The following LRMDA variants were observed in gnomAD, a reference collection of about 807,000 sequenced individuals.
LRMDA encodes the protein leucine rich melanocyte differentiation associated.
LRMDA carries 18 observed loss-of-function variants against 29.8 expected under a neutral mutation model. The ratio of observed to expected loss-of-function variants is 0.60; its 90% confidence interval spans 0.42 to 0.90. The LOEUF is 0.90. Among genes scored for constraint, LRMDA ranks in the 40% least tolerant of loss-of-function variants. The pLI is 0.00. For missense variants in LRMDA, 273 were observed against 273.9 expected, an observed-to-expected ratio of 1.00 and a Z score of 0.02; for synonymous variants, 125 against 109.4, an observed-to-expected ratio of 1.14 and a Z score of -0.89.
chr10:76,256,950 G>A (rs969760952), intron 5 of LRMDA, among the ~76,000 whole-genome samples: 2 of 152,090 alleles, frequency 1.3e-5, no homozygotes, highest in East Asian at 1.9e-4. Context: ...CTAGGCAGTC[G>A]TAGAAAAATG....
intron 2 of LRMDA, among the ~76,000 whole-genome samples, chr10:75,977,464 C>T (rs527312099): frequency 2.2e-3 from 332 of 152,234 alleles, no homozygotes; most frequent in Non-Finnish European, 4.2e-3. Context: ...GGAGCTGAGT[C>T]GAATTCCTGA....
chr10:76,049,765 G>C (rs1452019211), intron 4 of LRMDA, among the ~76,000 whole-genome samples: 3 of 151,174 alleles, frequency 2.0e-5, no homozygotes, highest in Admixed American at 2.0e-4. Flanking sequence ...TTTTTCTTTT[G>C]GTAAAACATT....
At chr10:76,176,860 T>A (rs1276975221) in intron 5 of LRMDA, among the ~76,000 whole-genome samples, 1 of 152,196 alleles carries the variant, frequency 6.6e-6, no homozygotes, top group African/African-American at 2.4e-5. Flanking sequence ...TAATGTGTAA[T>A]TGTATCAAGG....
At chr10:75,929,013 AT>A (rs1846165566) in intron 2 of LRMDA, among the ~76,000 whole-genome samples, 1 of 152,208 alleles carries the variant, frequency 6.6e-6, no homozygotes, top group Non-Finnish European at 1.5e-5. Context: ...AGATTTGATT[AT>A]TTCTAAGGAA....
At chr10:76,220,858 T>G (rs1851819743) in intron 5 of LRMDA, among the ~76,000 whole-genome samples, 1 of 152,160 alleles carries the variant, frequency 6.6e-6, no homozygotes, top group Non-Finnish European at 1.5e-5. Flanking sequence ...TGAACATTGA[T>G]GCAAAAATCC....
chr10:76,020,919 T>G (rs933365195), intron 2 of LRMDA, among the ~76,000 whole-genome samples: 8 of 152,228 alleles, frequency 5.3e-5, no homozygotes, highest in Non-Finnish European at 1.2e-4. Flanking sequence ...CAATTTTCCC[T>G]CAGTTAGTGT....
chr10:75,459,575 A>G (rs565817468), intron 2 of LRMDA, among the ~76,000 whole-genome samples: 1 of 152,362 alleles, frequency 6.6e-6, no homozygotes, highest in East Asian at 1.9e-4. Context: ...CAAACAAATT[A>G]TAGAAAGCCC....
chr10:76,438,820 A>T (rs909208769), intron 6 of LRMDA: 6 of 152,182 alleles, frequency 3.9e-5, no homozygotes. Flanking sequence ...TTTGAATCCA[A>T]ATGTATATGT....
At chr10:75,578,591 T>C (rs1409535470) in intron 2 of LRMDA, among the ~76,000 whole-genome samples, 1 of 152,144 alleles carries the variant, frequency 6.6e-6, no homozygotes, top group Non-Finnish European at 1.5e-5. Context: ...ATCAACAGAA[T>C]ATACATTCTT....
intron 2 of LRMDA, among the ~76,000 whole-genome samples, chr10:75,752,062 G>A (rs528891977): frequency 1.1e-3 from 167 of 151,194 alleles, no homozygotes; most frequent in Middle Eastern, 3.5e-3. Flanking sequence ...AACAAAGATT[G>A]GGACTGAGGC....
intron 5 of LRMDA, among the ~76,000 whole-genome samples, chr10:76,113,319 T>A (rs1021203225): frequency 6.6e-6 from 1 of 151,900 alleles, no homozygotes; most frequent in Non-Finnish European, 1.5e-5. Flanking sequence ...GCAGACGCAG[T>A]TGAGGGGATG....
intron 5 of LRMDA, among the ~76,000 whole-genome samples, chr10:76,148,871 G>A (rs1166905141): frequency 6.6e-6 from 1 of 152,132 alleles, no homozygotes; most frequent in African/African-American, 2.4e-5. Flanking sequence ...TTTTGAACAG[G>A]CCTACAAGCA....
intron 2 of LRMDA, among the ~76,000 whole-genome samples, chr10:75,901,841 CTG>C (rs1845679078): frequency 6.6e-6 from 1 of 152,108 alleles, no homozygotes; most frequent in African/African-American, 2.4e-5. Flanking sequence ...TATTGACAAC[CTG>C]TTTTAGATCT....
chr10:75,503,774 G>A (rs995759883), intron 2 of LRMDA, among the ~76,000 whole-genome samples: 2 of 151,916 alleles, frequency 1.3e-5, no homozygotes, highest in Non-Finnish European at 2.9e-5. Flanking sequence ...AACTACACTC[G>A]CACAGTAGGT....
chr10:76,316,399 G>GA lies in LRMDA; in HGVS notation c.517-8000dup, dbSNP rs1840699779. On this transcript the variant is annotated intron_variant, in intron 5 of 6. Transcript: ENST00000611255. ...GCACACCTGGCCGTGCGCTGTGGCC[G>GA]AACCCCGTGCTCACTCACACACCCC... Among the ~76,000 whole-genome samples the GA allele has an allele frequency of 2.0e-5, 3 of 152,146 alleles. No individual in the cohort carries two copies. The South Asian group carries it at 6.2e-4, about 32-fold the overall frequency.
chr10:75,471,477 C>G (rs2132046048), intron 2 of LRMDA, among the ~76,000 whole-genome samples: 1 of 152,258 alleles, frequency 6.6e-6, no homozygotes, highest in South Asian at 2.1e-4. Flanking sequence ...GAAATGGAGG[C>G]AAAACCTGCC....
intron 5 of LRMDA, among the ~76,000 whole-genome samples, chr10:76,200,830 G>T: frequency 6.7e-6 from 1 of 150,258 alleles, no homozygotes; most frequent in East Asian, 2.0e-4. Context: ...CTATTCTCCT[G>T]CCTCAGCCTC....
At chr10:76,516,816 T>C (rs1043116647) in intron 6 of LRMDA, among the ~76,000 whole-genome samples, 1 of 152,238 alleles carries the variant, frequency 6.6e-6, no homozygotes, top group East Asian at 1.9e-4. Context: ...TGTGCATGTG[T>C]CTTTATAGCA....
intron 5 of LRMDA, among the ~76,000 whole-genome samples, chr10:76,069,711 G>C (rs1325934800): frequency 6.8e-6 from 1 of 146,648 alleles, no homozygotes; most frequent in African/African-American, 2.5e-5. Context: ...TTCTTTTTTT[G>C]TTGAGCATTT....
Sources: allele counts gnomAD v4.1 joint callset (sites outside exome capture counted in the v4.1 genomes callset), GRCh38; gene constraint gnomAD v4.1.1; transcripts MANE v1.5; gene names NCBI Gene and HGNC (gene_info 2026-07-23, HGNC 2026-07-21).